The following CSNK2B variants were observed in gnomAD, a reference collection of about 807,000 sequenced individuals.
The protein encoded by CSNK2B is casein kinase II subunit beta.
CSNK2B carries 2 observed loss-of-function variants against 28.8 expected under a neutral mutation model. The observed-to-expected ratio is 0.07, with a 90% CI of 0.03 to 0.22. The LOEUF (loss-of-function observed/expected upper bound fraction) is 0.22. CSNK2B is among the 10% of genes least tolerant of loss of function. The pLI is 1.00. For missense variants in CSNK2B, 107 were observed against 277.9 expected, an observed-to-expected ratio of 0.39 and a Z score of 4.37; for synonymous variants, 89 against 96.1, an observed-to-expected ratio of 0.93 and a Z score of 0.43.
rs775413891 is a variant in CSNK2B at position 31,668,706 on chromosome 6, G to C, written c.291+52G>C. 2.0e-6 allele frequency: 3 copies of C among 1,505,872 alleles called. No individual in the cohort carries two copies. In the Admixed American group the frequency reaches 5.0e-5, roughly 25 times the overall value. 93.3% of individuals were successfully genotyped at this position (1,505,872 alleles called of 1,614,324 possible). On this transcript the variant is annotated intron_variant, in intron 4 of 6. Transcript: ENST00000375882. ...TCCTTCTGAGCAGTAAGAGACACAGGTTCCTGCAGCAAGAAGTCATGTTTA... is the reference window on the plus strand; with the variant it reads ...TCCTTCTGAGCAGTAAGAGACACAGCTTCCTGCAGCAAGAAGTCATGTTTA...
intron 4 of CSNK2B, 148 bp from the exon 5 acceptor site, chr6:31,668,949 A>G: frequency 1.6e-6 from 1 of 639,648 alleles, no homozygotes; most frequent in Non-Finnish European, 2.8e-6. Context: ...AAGGCAACAC[A>G]GAAGTTTGAG....
intron 2 of CSNK2B, chr6:31,667,224 C>A: frequency 1.9e-6 from 1 of 515,528 alleles, no homozygotes. Context: ...CTCTGCCTCC[C>A]AGGTTCAAGC....
intron 3 of CSNK2B, 52 bp from the exon 4 acceptor site, chr6:31,668,487 A>G: frequency 2.7e-6 from 4 of 1,498,768 alleles, no homozygotes; most frequent in South Asian, 2.3e-5. Context: ...TGGGCAGGGC[A>G]CCTAGGAAAG....
At chr6:31,668,817 T>C in intron 4 of CSNK2B, 163 bp downstream of exon 4, 1 of 658,430 alleles carries the variant, frequency 1.5e-6, no homozygotes, top group Non-Finnish European at 2.7e-6. Flanking sequence ...GGGGTCATCC[T>C]GAAGGGATTG....
At position 31,669,809 on chromosome 6, in the gene CSNK2B, G is replaced by C. The variant is rs376960952; in HGVS notation, c.558-27G>C. 1.1e-5 allele frequency: 17 copies of C among 1,589,008 alleles called. No individual in the cohort carries two copies. Among genetic ancestry groups the C allele is most frequent in the Admixed American group, 1.8e-5 (1 of 56,692 alleles). On this transcript the variant is annotated intron_variant, in intron 6 of 6. Transcript: ENST00000375882. The surrounding 1 kb of genome is among the most constrained non-coding windows in gnomAD (Gnocchi z 4.8). ...GGGCCTGGATGGGGCTCATGCTGCT[G>C]CCTCTCTGACCTCTGCCCTGGCCTA...
rs1802058670 is a variant in CSNK2B at position 31,669,881 on chromosome 6, C to T, written c.603C>T (p.Leu201=). The stretch of plus-strand genomic sequence containing the variant: ...ATCCGATGGCCTACCAGCTGCAGCT[C>T]CAAGCCGCCAGCAACTTCAAGAGCC... ...KIHPMAYQLQ[L]QAASNFKSPV... is the part of the protein sequence containing the mutation. Residue 201 remains leucine, a synonymous_variant, in exon 7 of 7, where the codon CTC becomes CTT. Coordinates refer to ENST00000375882, the MANE Select transcript of CSNK2B (RefSeq NM_001320.7). The surrounding 1 kb of genome is among the most constrained non-coding windows in gnomAD (Gnocchi z 4.8). 3.1e-6 allele frequency: 5 copies of T among 1,613,020 alleles called. No homozygotes were observed. Among genetic ancestry groups the T allele is most frequent in the Non-Finnish European group, 3.4e-6 (4 of 1,180,034 alleles).
rs1247421729 is a variant in CSNK2B at position 31,668,527 on chromosome 6, G to A, written c.176-12G>A. The A allele has an allele frequency of 2.5e-6, 4 of 1,610,958 alleles. No homozygotes were observed. The East Asian group carries it at 6.7e-5, about 27-fold the overall frequency. On this transcript the variant is annotated splice_polypyrimidine_tract_variant and intron_variant, in intron 3 of 6. Coordinates refer to ENST00000375882, the MANE Select transcript of CSNK2B (RefSeq NM_001320.7). The stretch of plus-strand genomic sequence containing the variant: ...AAAACAAGTAGTTGCATTTGGCCGG[G>A]CTGTGTTTCAGATGAAGAACTGGAA...
In CSNK2B at chr6:31,669,237, A is replaced by C; in HGVS notation, c.367+65A>C. 1 of 1,597,924 alleles carries C rather than the reference A, an allele frequency of 6.3e-7. No homozygotes were observed. Among genetic ancestry groups the C allele is most frequent in the Non-Finnish European group, 8.6e-7 (1 of 1,165,734 alleles). On this transcript the variant is annotated intron_variant, in intron 5 of 6. Coordinates refer to ENST00000375882, the MANE Select transcript of CSNK2B (RefSeq NM_001320.7). The surrounding 1 kb of genome is among the most constrained non-coding windows in gnomAD (Gnocchi z 4.8). ...GTCTTATGGGAAGGAGTTGGGGCTCAACACATTGGAGCCTGAGTCCTGAGG... is the reference window on the plus strand; with the variant it reads ...GTCTTATGGGAAGGAGTTGGGGCTCCACACATTGGAGCCTGAGTCCTGAGG...
rs1371231775 is a variant in CSNK2B, at chr6:31,669,679, T to C, written c.558-157T>C. Among the ~76,000 whole-genome samples the C allele has an allele frequency of 6.6e-6, 1 of 152,210 alleles. No individual in the cohort carries two copies. On this transcript the variant is annotated intron_variant, in intron 6 of 6. Transcript: ENST00000375882. This position sits in a 1 kb window ranked among gnomAD's most constrained non-coding sequence, Gnocchi z 4.8. ...GATTATCTGTGCTTGAGTTACCTTATTGTAGAATGTTCTTGAGCTGAGAAG... is the reference window on the plus strand; with the variant it reads ...GATTATCTGTGCTTGAGTTACCTTACTGTAGAATGTTCTTGAGCTGAGAAG...
In CSNK2B at chr6:31,668,616, G is replaced by A; in HGVS notation, c.253G>A (p.Ala85Thr). The change falls in exon 4 of 7, where the codon GCC becomes ACC. Residue 85 changes from alanine (A) to threonine (T), a missense_variant. By Grantham distance (58) the Ala-to-Thr change is moderately conservative. Transcript: ENST00000375882. Reference protein sequence around the residue: ...AAEMLYGLIHARYILTNRGIA... With the variant: ...AAEMLYGLIHTRYILTNRGIA... The stretch of plus-strand genomic sequence containing the variant: ...CGAGATGCTTTATGGATTGATCCAC[G>A]CCCGCTACATCCTTACCAACCGTGG... The A allele has an allele frequency of 6.2e-7, 1 of 1,613,052 alleles. No individual in the cohort carries two copies. The highest frequency in any genetic ancestry group is 8.5e-7 in the Non-Finnish European group (1 of 1,180,026).
intron 3 of CSNK2B, 151 bp from the exon 4 acceptor site, chr6:31,668,388 A>AGGTTTCTGGG: frequency 1.5e-6 from 1 of 646,110 alleles, no homozygotes; most frequent in Non-Finnish European, 2.7e-6. Context: ...TCAGAAGCCC[A>AGGTTTCTGGG]GGTTTCTGGG....
rs774847267 is a variant in CSNK2B, at chr6:31,669,950, G to A, written c.*24G>A. The A allele has an allele frequency of 1.9e-6, 3 of 1,597,980 alleles. No individual in the cohort carries two copies. The South Asian group carries it at 3.4e-5, about 18-fold the overall frequency. On this transcript the variant is annotated 3_prime_UTR_variant, in exon 7 of 7. Transcript: ENST00000375882. The surrounding 1 kb of genome is among the most constrained non-coding windows in gnomAD (Gnocchi z 4.8). ...GATTCCCTCCCCCACCTGTCCTGCAGTCTTTGACTTTTCCTTTCTTTTTTG... is the reference window on the plus strand; with the variant it reads ...GATTCCCTCCCCCACCTGTCCTGCAATCTTTGACTTTTCCTTTCTTTTTTG...
At chr6:31,666,949 C>T (rs1010839130) in intron 2 of CSNK2B, 46 bp downstream of exon 2, 4 of 1,430,662 alleles carry the variant, frequency 2.8e-6, no homozygotes, top group Non-Finnish European at 3.9e-6. Flanking sequence ...ACATATCTTC[C>T]CACCAGACGT....
intron 4 of CSNK2B, 52 bp downstream of exon 4, chr6:31,668,706 G>A (rs775413891): frequency 1.7e-5 from 25 of 1,505,754 alleles, no homozygotes; most frequent in Non-Finnish European, 2.2e-5. Context: ...AGAGACACAG[G>A]TTCCTGCAGC....
At position 31,669,136 on chromosome 6, in the gene CSNK2B, C is replaced by T. The variant is rs1216930987; in HGVS notation, c.331C>T (p.Arg111Cys). Residue 111 changes from arginine to cysteine, a missense_variant, in exon 5 of 7, where the codon CGT becomes TGT. Physicochemically the swap from Arg to Cys is radical, Grantham distance 180. Transcript: ENST00000375882. This position sits in a 1 kb window ranked among gnomAD's most constrained non-coding sequence, Gnocchi z 4.8. ...GCAAGGAGACTTTGGTTACTGTCCT[C>T]GTGTGTACTGTGAGAACCAGCCAAT... ...YQQGDFGYCP[R>C]VYCENQPMLP... 2 of 1,613,338 alleles carry T rather than the reference C, an allele frequency of 1.2e-6. No individual in the cohort carries two copies. Among genetic ancestry groups the T allele is most frequent in the Non-Finnish European group, 8.5e-7 (1 of 1,179,970 alleles).
At chr6:31,666,725 A>G in intron 1 of CSNK2B, 96 bp from the exon 2 acceptor site, 1 of 950,956 alleles carries the variant, frequency 1.1e-6, no homozygotes, top group East Asian at 2.5e-5. Flanking sequence ...GTGGTTCCGA[A>G]TTCTCCCGTG....
intron 4 of CSNK2B, 180 bp downstream of exon 4, chr6:31,668,834 G>A (rs544080976): frequency 1.6e-6 from 1 of 635,470 alleles, no homozygotes; most frequent in East Asian, 2.7e-5. Context: ...ATTGTTTTCA[G>A]GGAGGGAGAC....
rs967462597 is a variant in CSNK2B at position 31,669,516 on chromosome 6, G to A, written c.557+8G>A. The A allele has an allele frequency of 6.2e-7, 1 of 1,605,414 alleles. No homozygotes were observed. The highest frequency in any genetic ancestry group is 1.3e-5 in the African/African-American group (1 of 74,944). On this transcript the variant is annotated splice_region_variant and intron_variant, in intron 6 of 6. Transcript: ENST00000375882. The surrounding 1 kb of genome is among the most constrained non-coding windows in gnomAD (Gnocchi z 4.8). ...CAACCAGTTTGTGCCCAGGTAGGGA[G>A]CAGGGAGAGTCATTAAGGGTCAAAG...
chr6:31,666,611 T>C, intron 1 of CSNK2B: 1 of 588,596 alleles, frequency 1.7e-6, no homozygotes, highest in Non-Finnish European at 3.0e-6. Flanking sequence ...TTCTTTCAAG[T>C]GGTGGGACCC....
Sources: allele counts gnomAD v4.1 joint callset (sites outside exome capture counted in the v4.1 genomes callset), GRCh38; gene constraint gnomAD v4.1.1; non-coding constraint Gnocchi (gnomAD v3.1); transcripts MANE v1.5; gene names NCBI Gene and HGNC (gene_info 2026-07-23, HGNC 2026-07-21).